STK39: variants seen among roughly 807,000 people sequenced by gnomAD.
STK39 encodes STE20/SPS1-related proline-alanine-rich protein kinase.
A neutral mutation model predicts 77.8 loss-of-function variants in STK39; 20 were observed. That is an observed-to-expected ratio of 0.26 (90% confidence interval 0.18 to 0.37). STK39 has a LOEUF of 0.37. STK39 is among the 10% of genes least tolerant of loss of function. The pLI is 1.00. For missense variants in STK39, 479 were observed against 656.5 expected, an observed-to-expected ratio of 0.73 and a Z score of 2.95; for synonymous variants, 246 against 234.1, an observed-to-expected ratio of 1.05 and a Z score of -0.47.
rs1310532678 is a variant in STK39 at position 168,186,975 on chromosome 2, A to T, written c.209-4885T>A. Among the ~76,000 whole-genome samples the T allele has an allele frequency of 2.6e-5, 4 of 152,224 alleles. No homozygotes were observed. In the East Asian group the frequency reaches 7.7e-4, roughly 29 times the overall value. ...AGCATAAGAGTTTAAAATATAAGAG[A>T]CAATCCAATTCAGAAACAGCTGTGA... On this transcript the variant is annotated intron_variant, in intron 1 of 17. Transcript: ENST00000355999.
intron 5 of STK39, among the ~76,000 whole-genome samples, chr2:168,146,782 A>G (rs1480861361): frequency 6.6e-6 from 1 of 152,170 alleles, no homozygotes; most frequent in Non-Finnish European, 1.5e-5. Context: ...GAAGCAGAGA[A>G]GACCACAACC....
intron 10 of STK39, among the ~76,000 whole-genome samples, chr2:168,084,895 C>G (rs373241776): frequency 1.3e-5 from 2 of 152,290 alleles, no homozygotes; most frequent in African/African-American, 4.8e-5. Context: ...CACCTTCAAA[C>G]GTACCTAACA....
intron 14 of STK39, among the ~76,000 whole-genome samples, chr2:168,019,785 C>T (rs1047957373): frequency 7.9e-5 from 12 of 152,180 alleles, no homozygotes; most frequent in African/African-American, 2.9e-4. Flanking sequence ...CTCACTGCAA[C>T]CTCTGCCTCC....
chr2:168,219,726 T>G (rs1455018027), intron 1 of STK39, among the ~76,000 whole-genome samples: 1 of 152,146 alleles, frequency 6.6e-6, no homozygotes, highest in Non-Finnish European at 1.5e-5. Context: ...GGTCCAGGTT[T>G]AGAAACTAAA....
intron 1 of STK39, among the ~76,000 whole-genome samples, chr2:168,240,206 A>G (rs1217288825): frequency 6.6e-6 from 1 of 152,168 alleles, no homozygotes; most frequent in Non-Finnish European, 1.5e-5. Flanking sequence ...GAGACTGGAA[A>G]TTACAAGATG....
chr2:168,161,904 C>A, intron 4 of STK39, 62 bp from the exon 5 acceptor site: 1 of 1,262,024 alleles, frequency 7.9e-7, no homozygotes. Context: ...TATTGATTCA[C>A]TCAGGAAGAT....
intron 1 of STK39, among the ~76,000 whole-genome samples, chr2:168,236,230 T>C (rs950031646): frequency 9.8e-5 from 15 of 152,346 alleles, no homozygotes; most frequent in Middle Eastern, 3.4e-3. Flanking sequence ...TTTTCATGTG[T>C]CTTTTGGCTG....
intron 1 of STK39, among the ~76,000 whole-genome samples, chr2:168,213,645 C>T (rs1365792798): frequency 6.7e-6 from 1 of 149,290 alleles, no homozygotes; most frequent in Admixed American, 6.7e-5. Flanking sequence ...AAGATCACAC[C>T]ACTGCACTCC....
intron 10 of STK39, among the ~76,000 whole-genome samples, chr2:168,090,075 GTTC>G (rs915089001): frequency 4.9e-4 from 74 of 152,286 alleles, no homozygotes; most frequent in African/African-American, 1.7e-3. Flanking sequence ...CTGAGTTTGT[GTTC>G]TTCTACATTC....
chr2:168,199,837 G>C (rs1689569724), intron 1 of STK39, among the ~76,000 whole-genome samples: 2 of 152,092 alleles, frequency 1.3e-5, no homozygotes, highest in East Asian at 3.9e-4. Flanking sequence ...ATATCATGCA[G>C]ATTTTCACAT....
chr2:168,114,224 T>A (rs997534265), intron 10 of STK39, among the ~76,000 whole-genome samples: 2 of 152,222 alleles, frequency 1.3e-5, no homozygotes, highest in African/African-American at 4.8e-5. Context: ...TGGGTTATTG[T>A]GCTCTACAGA....
intron 14 of STK39, among the ~76,000 whole-genome samples, chr2:168,050,492 A>T (rs1685366261): frequency 6.6e-6 from 1 of 152,192 alleles, no homozygotes; most frequent in Non-Finnish European, 1.5e-5. Context: ...TGGTGAGACC[A>T]TCCTAATCAC....
At chr2:167,983,079 G>T (rs1348747806) in intron 16 of STK39, among the ~76,000 whole-genome samples, 3 of 152,188 alleles carry the variant, frequency 2.0e-5, no homozygotes, top group African/African-American at 4.8e-5. Flanking sequence ...TAACCTAGCA[G>T]CATATTTTTG....
At chr2:167,993,573 G>A (rs186373244) in intron 16 of STK39, among the ~76,000 whole-genome samples, 113 of 152,242 alleles carry the variant, frequency 7.4e-4, no homozygotes, top group Non-Finnish European at 1.4e-3. Context: ...GTGGAGAGCC[G>A]GGCTAAGGGA....
At chr2:168,241,296 G>A (rs966894455) in intron 1 of STK39, among the ~76,000 whole-genome samples, 20 of 152,196 alleles carry the variant, frequency 1.3e-4, no homozygotes, top group South Asian at 4.1e-4. Context: ...CACAGGGAGC[G>A]TTTCTTTTAG....
chr2:168,006,912 C>T (rs919010329), intron 16 of STK39, among the ~76,000 whole-genome samples: 10 of 152,146 alleles, frequency 6.6e-5, no homozygotes, highest in East Asian at 1.9e-4. Flanking sequence ...GATTCTGATT[C>T]GCGAAGGTCG....
intron 10 of STK39, among the ~76,000 whole-genome samples, chr2:168,112,621 T>C (rs1026284570): frequency 2.0e-5 from 3 of 152,122 alleles, no homozygotes; most frequent in Non-Finnish European, 4.4e-5. Flanking sequence ...CAGTCTCAGG[T>C]AGTTCTTTAT....
chr2:168,158,052 C>G (rs375609649), intron 5 of STK39, among the ~76,000 whole-genome samples: 1 of 152,182 alleles, frequency 6.6e-6, no homozygotes, highest in African/African-American at 2.4e-5. Flanking sequence ...AGTCATTTGC[C>G]AAAGCACTAA....
intron 14 of STK39, among the ~76,000 whole-genome samples, chr2:168,025,018 C>A (rs1398961490): frequency 6.6e-6 from 1 of 152,154 alleles, no homozygotes; most frequent in East Asian, 1.9e-4. Flanking sequence ...ACAAGTCTGG[C>A]TTTTATAAAG....
Sources: gnomAD v4.1 joint callset for allele counts (sites outside exome capture counted in the v4.1 genomes callset) on GRCh38, gnomAD v4.1.1 for gene constraint, MANE v1.5 for transcripts, NCBI Gene and HGNC (gene_info 2026-07-23, HGNC 2026-07-21) for gene names.